Variants in CRBN observed in about 807,000 individuals in gnomAD.
CRBN encodes the protein cereblon, also known as protein cereblon.
In CRBN, 53 loss-of-function variants were observed where a neutral mutation model predicts 62.2. The ratio of observed to expected loss-of-function variants is 0.85; its 90% CI spans 0.68 to 1.07. The LOEUF is 1.07. CRBN is among the 50% of genes least tolerant of loss of function. The pLI is 0.00. For synonymous variants in CRBN, 208 were observed against 176.1 expected (o/e 1.18, Z -1.43); for missense variants, 616 against 531.1 (o/e 1.16, Z -1.57).
intron 5 of CRBN, among the ~76,000 whole-genome samples, chr3:3,161,020 C>A (rs1362774911): frequency 1.3e-5 from 2 of 152,142 alleles, no homozygotes; most frequent in African/African-American, 4.8e-5. Context: ...GAAACCACAG[C>A]AAGTATCCAA....
intron 4 of CRBN, among the ~76,000 whole-genome samples, chr3:3,170,355 T>C (rs992459997): frequency 1.3e-5 from 2 of 152,222 alleles, no homozygotes; most frequent in Non-Finnish European, 2.9e-5. Flanking sequence ...ATTTTTATTT[T>C]TCTATATGCT....
At chr3:3,157,542 T>C (rs1193024462) in intron 5 of CRBN, among the ~76,000 whole-genome samples, 1 of 152,190 alleles carries the variant, frequency 6.6e-6, no homozygotes, top group Admixed American at 6.5e-5. Context: ...TGACTAGGTA[T>C]GTTTCATACG....
At chr3:3,157,710 T>C (rs1706958695) in intron 5 of CRBN, among the ~76,000 whole-genome samples, 2 of 152,178 alleles carry the variant, frequency 1.3e-5, no homozygotes, top group African/African-American at 4.8e-5. Context: ...TACAATGTGC[T>C]ACACCACTCA....
At chr3:3,163,429 C>T (rs1266811742) in intron 5 of CRBN, among the ~76,000 whole-genome samples, 2 of 150,220 alleles carry the variant, frequency 1.3e-5, no homozygotes, top group African/African-American at 2.5e-5. Context: ...TCTATCTTTT[C>T]TTGTCTTATT....
chr3:3,160,534 G>T (rs553532326), intron 5 of CRBN, among the ~76,000 whole-genome samples: 3 of 152,284 alleles, frequency 2.0e-5, no homozygotes, highest in South Asian at 4.1e-4. Context: ...GTATGCCTGG[G>T]AAATGACCAG....
intron 1 of CRBN, among the ~76,000 whole-genome samples, chr3:3,176,886 A>G (rs193216797): frequency 1.3e-5 from 2 of 152,274 alleles, no homozygotes; most frequent in African/African-American, 4.8e-5. Context: ...GAAAATTAGA[A>G]AACGCTACAC....
chr3:3,159,652 A>T (rs1046961546), intron 5 of CRBN, among the ~76,000 whole-genome samples: 2 of 152,202 alleles, frequency 1.3e-5, no homozygotes, highest in African/African-American at 4.8e-5. Flanking sequence ...GACCTCTAAA[A>T]TTCTTTATCT....
intron 1 of CRBN, among the ~76,000 whole-genome samples, chr3:3,177,202 C>T (rs1381312122): frequency 6.6e-6 from 1 of 152,232 alleles, no homozygotes; most frequent in East Asian, 1.9e-4. Flanking sequence ...TCTCACCTCC[C>T]AGTTCATGTA....
At chr3:3,161,883 A>T (rs1418747748) in intron 5 of CRBN, among the ~76,000 whole-genome samples, 1 of 152,252 alleles carries the variant, frequency 6.6e-6, no homozygotes, top group East Asian at 1.9e-4. Context: ...AGCTTTAAGA[A>T]TGAGCAATGC....
intron 2 of CRBN, 28 bp downstream of exon 2, chr3:3,175,130 CTATTA>C (rs1449810885): frequency 3.9e-6 from 5 of 1,295,304 alleles, no homozygotes; most frequent in Admixed American, 1.7e-5. Context: ...AAATGTATAT[CTATTA>C]TATTAGATCT....
intron 4 of CRBN, among the ~76,000 whole-genome samples, chr3:3,168,919 T>C (rs1287708292): frequency 6.6e-6 from 1 of 152,190 alleles, no homozygotes; most frequent in Non-Finnish European, 1.5e-5. Context: ...GTTCTTATAT[T>C]ATTATTAGAG....
intron 9 of CRBN, 142 bp from the exon 10 acceptor site, chr3:3,152,729 A>ATCTT: frequency 3.9e-6 from 4 of 1,015,426 alleles, no homozygotes; most frequent in Non-Finnish European, 6.0e-6. Flanking sequence ...TAATACCAGG[A>ATCTT]TCTTAGTATG....
chr3:3,170,304 G>C (rs1200839185), intron 4 of CRBN, among the ~76,000 whole-genome samples: 1 of 152,136 alleles, frequency 6.6e-6, no homozygotes, highest in Non-Finnish European at 1.5e-5. Flanking sequence ...TTTAATAAAT[G>C]AAGTGTCATT....
At chr3:3,156,617 C>G in intron 5 of CRBN, 1 of 298,698 alleles carries the variant, frequency 3.3e-6, no homozygotes, top group Non-Finnish European at 6.3e-6. Context: ...ATACTAATTA[C>G]TTGTCCAGTA....
At chr3:3,168,036 G>C (rs1324350300) in intron 4 of CRBN, among the ~76,000 whole-genome samples, 1 of 85,072 alleles carries the variant, frequency 1.2e-5, no homozygotes, top group African/African-American at 4.7e-5. Context: ...CTGTGGAATG[G>C]AAAGGGAGAT....
intron 3 of CRBN, 118 bp downstream of exon 3, chr3:3,173,941 C>T: frequency 1.1e-6 from 1 of 884,354 alleles, no homozygotes; most frequent in South Asian, 1.4e-5. Flanking sequence ...CCTAACCTCA[C>T]ATTCTTACCC....
In CRBN at chr3:3,150,270, G is replaced by C. The variant is rs923153529; in HGVS notation, c.*595C>G. 1 of 152,200 alleles carries C rather than the reference G, an allele frequency of 6.6e-6. No homozygotes were observed. Among genetic ancestry groups the C allele is most frequent in the Non-Finnish European group, 1.5e-5 (1 of 68,350 alleles). The allele number at this position is 152,200 out of a possible 1,614,324, so 9.4% of individuals were successfully genotyped here. A position where few individuals can be genotyped will look rare whatever the true frequency, so the allele number is the denominator to read the frequency against. The stretch of plus-strand genomic sequence containing the variant: ...CACATAAAGGAAATGACAACTATTC[G>C]TGGGCTCAAAAAACTGCATATTTTA... On this transcript the variant is annotated 3_prime_UTR_variant, in exon 11 of 11. Coordinates refer to ENST00000231948, the MANE Select transcript of CRBN (RefSeq NM_016302.4).
In CRBN at chr3:3,179,584, C is replaced by T. The variant is rs755364108; in HGVS notation, c.67+37G>A. On this transcript the variant is annotated intron_variant, in intron 1 of 10. Transcript: ENST00000231948. Reference sequence around the variant, plus strand: ...ACCGCTAGCGGCTCCGAGCCTCGCCCCACTCCCGACTACAGGGAACTACTC... The same window carrying T: ...ACCGCTAGCGGCTCCGAGCCTCGCCTCACTCCCGACTACAGGGAACTACTC... 4 of 1,601,282 alleles carry T rather than the reference C, an allele frequency of 2.5e-6. No homozygotes were observed. In the African/African-American group the frequency reaches 5.4e-5, roughly 21 times the overall value.
intron 5 of CRBN, among the ~76,000 whole-genome samples, chr3:3,157,633 T>A (rs1210707319): frequency 1.3e-5 from 2 of 152,052 alleles, no homozygotes; most frequent in Non-Finnish European, 2.9e-5. Context: ...GCAGGAAACG[T>A]GGGAACACAG....
Sources: allele counts gnomAD v4.1 joint callset (sites outside exome capture counted in the v4.1 genomes callset), GRCh38; gene constraint gnomAD v4.1.1; transcripts MANE v1.5; gene names NCBI Gene and HGNC (gene_info 2026-07-23, HGNC 2026-07-21).